PREX1: variants seen among roughly 807,000 people sequenced by gnomAD.
The protein encoded by PREX1 is phosphatidylinositol 3,4,5-trisphosphate-dependent Rac exchanger 1 protein.
PREX1 carries 41 observed loss-of-function variants against 198.3 expected under a neutral mutation model. The ratio of observed to expected loss-of-function variants is 0.21; its 90% CI spans 0.16 to 0.27. The LOEUF (loss-of-function observed/expected upper bound fraction) is 0.27, where lower values mean the gene tolerates loss of function less well. Among genes scored for constraint, PREX1 ranks in the 10% least tolerant of loss-of-function variants. PREX1 has a pLI of 1.00. For synonymous variants in PREX1, 843 were observed against 887.2 expected, an observed-to-expected ratio of 0.95 and a Z score of 0.89; for missense variants, 1,620 against 2,200.7, an observed-to-expected ratio of 0.74 and a Z score of 5.28.
At chr20:48,773,944 G>C (rs1056690245) in intron 1 of PREX1, among the ~76,000 whole-genome samples, 1 of 152,146 alleles carries the variant, frequency 6.6e-6, no homozygotes, top group African/African-American at 2.4e-5. Flanking sequence ...CCAGGGTGGT[G>C]GTGAGCTGTG....
intron 15 of PREX1, among the ~76,000 whole-genome samples, chr20:48,661,344 G>A (rs1162337388): frequency 2.8e-5 from 4 of 144,884 alleles, no homozygotes; most frequent in Non-Finnish European, 6.0e-5. Context: ...GCTTGAACCC[G>A]GGAGGTGGAG....
intron 32 of PREX1, 119 bp from the exon 33 acceptor site, chr20:48,634,894 G>C: frequency 1.3e-6 from 1 of 772,282 alleles, no homozygotes; most frequent in South Asian, 1.6e-5. Context: ...CTGGGTGCCA[G>C]GTCCTGAGCG....
At chr20:48,829,134 T>A (rs374026183), upstream of PREX1, among the ~76,000 whole-genome samples, 1 of 152,246 alleles carries the variant, frequency 6.6e-6, no homozygotes. Flanking sequence ...ATGTTTGTTC[T>A]TACTATTATT....
intron 1 of PREX1, among the ~76,000 whole-genome samples, chr20:48,754,276 G>T (rs1350030899): frequency 6.6e-6 from 1 of 152,172 alleles, no homozygotes; most frequent in Non-Finnish European, 1.5e-5. Context: ...CCATTCTACA[G>T]AAGAGCCTAA....
At chr20:48,807,803 T>C (rs566622046) in intron 1 of PREX1, among the ~76,000 whole-genome samples, 2 of 152,140 alleles carry the variant, frequency 1.3e-5, no homozygotes, top group African/African-American at 4.8e-5. Context: ...TGACGTTGAC[T>C]GATAGGGTTT....
intron 1 of PREX1, among the ~76,000 whole-genome samples, chr20:48,826,618 G>GC (rs1216379201): frequency 6.6e-6 from 1 of 152,226 alleles, no homozygotes; most frequent in African/African-American, 2.4e-5. Context: ...CACTTTGGAG[G>GC]CCGAGGTCGG....
At chr20:48,858,222 T>C in the PREX1 span, among the ~76,000 whole-genome samples, 2 of 152,178 alleles carry the variant, frequency 1.3e-5, no homozygotes, top group Non-Finnish European at 2.9e-5. Context: ...CTTCTATGTA[T>C]CCCAAGACTT....
At chr20:48,648,734 C>T (rs990124059) in intron 25 of PREX1, among the ~76,000 whole-genome samples, 5 of 152,212 alleles carry the variant, frequency 3.3e-5, no homozygotes, top group African/African-American at 1.2e-4. Flanking sequence ...CCCACACCTG[C>T]TTCCCCATCA....
chr20:48,851,735 G>A, the PREX1 span, among the ~76,000 whole-genome samples: 5 of 152,072 alleles, frequency 3.3e-5, no homozygotes, highest in Non-Finnish European at 7.3e-5. Flanking sequence ...ACCTTGCCCT[G>A]TAGGCTTCAA....
intron 14 of PREX1, among the ~76,000 whole-genome samples, chr20:48,673,476 C>T (rs905498481): frequency 1.3e-5 from 2 of 152,200 alleles, no homozygotes; most frequent in East Asian, 1.9e-4. Flanking sequence ...TGCTTTGACA[C>T]CAACAGGCAG....
At chr20:48,641,160 A>C (rs1191439830) in intron 29 of PREX1, among the ~76,000 whole-genome samples, 1 of 152,094 alleles carries the variant, frequency 6.6e-6, no homozygotes, top group Non-Finnish European at 1.5e-5. Flanking sequence ...AGAAATTTCA[A>C]TTCCTTTTCT....
chr20:48,794,258 T>C (rs1471739103), intron 1 of PREX1, among the ~76,000 whole-genome samples: 5 of 151,878 alleles, frequency 3.3e-5, no homozygotes, highest in Non-Finnish European at 7.4e-5. Context: ...GAATGAAGTA[T>C]CAGAAGCCAG....
At chr20:48,756,560 A>G (rs1436088820) in intron 1 of PREX1, among the ~76,000 whole-genome samples, 1 of 152,012 alleles carries the variant, frequency 6.6e-6, no homozygotes, top group African/African-American at 2.4e-5. Context: ...TCATTTCATT[A>G]TATAGTCCAC....
At chr20:48,814,460 G>A (rs991063441) in intron 1 of PREX1, among the ~76,000 whole-genome samples, 5 of 152,190 alleles carry the variant, frequency 3.3e-5, no homozygotes, top group East Asian at 1.9e-4. Context: ...AGAGAAAGGG[G>A]GGTCCTTGGT....
At chr20:48,717,257 G>C (rs924254214) in intron 5 of PREX1, among the ~76,000 whole-genome samples, 6 of 152,072 alleles carry the variant, frequency 3.9e-5, no homozygotes, top group African/African-American at 1.2e-4. Flanking sequence ...GTCACCAACA[G>C]GGTCTGGGTC....
rs543800377 is a variant in PREX1, at chr20:48,639,661, G to A, written c.3904+105C>T. On this transcript the variant is annotated intron_variant, in intron 30 of 39. Transcript: ENST00000371941. The stretch of plus-strand genomic sequence containing the variant: ...TTCTCTTGTCCTCTCCCTGGTCATG[G>A]AGAAACAGGGGTCACAGAACTGGAT... 6.0e-4 allele frequency: 891 copies of A among 1,496,226 alleles called. 6 individuals carry two copies. The African/African-American group carries it at 0.011, about 19-fold the overall frequency. The allele number at this position is 1,496,226 out of a possible 1,614,324, so 92.7% of individuals were successfully genotyped here.
chr20:48,736,815 G>T (rs906842012), intron 3 of PREX1, among the ~76,000 whole-genome samples: 2 of 152,194 alleles, frequency 1.3e-5, no homozygotes, highest in Non-Finnish European at 2.9e-5. Flanking sequence ...GAGAAGACTT[G>T]CAGTGACATA....
intron 15 of PREX1, among the ~76,000 whole-genome samples, chr20:48,665,163 C>G (rs1391776092): frequency 6.6e-6 from 1 of 151,746 alleles, no homozygotes; most frequent in South Asian, 2.1e-4. Flanking sequence ...CCCAGACGGC[C>G]TGAATTATAA....
intron 10 of PREX1, 118 bp from the exon 11 acceptor site, chr20:48,681,453 G>A (rs2089749903): frequency 1.1e-6 from 1 of 940,668 alleles, no homozygotes; most frequent in African/African-American, 1.6e-5. Flanking sequence ...ACTTCCCACA[G>A]GGAAGCCGAG....
Sources: gnomAD v4.1 joint callset for allele counts (sites outside exome capture counted in the v4.1 genomes callset) on GRCh38, gnomAD v4.1.1 for gene constraint, MANE v1.5 for transcripts, NCBI Gene and HGNC (gene_info 2026-07-23, HGNC 2026-07-21) for gene names.